The following NIPSNAP2 variants were observed in gnomAD, a reference collection of about 807,000 sequenced individuals.
NIPSNAP2 encodes protein NipSnap homolog 2.
Under a neutral mutation model 48.4 loss-of-function variants are expected in NIPSNAP2, and 42 were observed. The observed-to-expected ratio is 0.87, with a 90% CI of 0.68 to 1.12. The LOEUF (loss-of-function observed/expected upper bound fraction) is 1.12, where lower values mean the gene tolerates loss of function less well. NIPSNAP2 is among the 50% of genes most tolerant of loss of function. The probability of loss-of-function intolerance (pLI) is 0.00; values close to 1 mark genes in which losing one functional copy is unlikely to be tolerated. For synonymous variants in NIPSNAP2, 158 were observed against 126.6 expected, an observed-to-expected ratio of 1.25 and a Z score of -1.67; for missense variants, 314 against 347.3, an observed-to-expected ratio of 0.90 and a Z score of 0.76.
intron 7 of NIPSNAP2, 137 bp downstream of exon 7, chr7:55,985,015 AT>A: frequency 3.2e-6 from 2 of 634,194 alleles, no homozygotes; most frequent in Non-Finnish European, 5.4e-6. Flanking sequence ...TGATGTTTTT[AT>A]TATGAGATTT....
chr7:55,991,758 A>G, intron 7 of NIPSNAP2: 1 of 168,986 alleles, frequency 5.9e-6, no homozygotes, highest in Non-Finnish European at 1.2e-5. Context: ...CAAAAAAAAA[A>G]AAAAAAAATA....
chr7:55,996,082 G>C (rs919987870), intron 8 of NIPSNAP2, among the ~76,000 whole-genome samples: 8 of 152,198 alleles, frequency 5.3e-5, no homozygotes, highest in Non-Finnish European at 1.0e-4. Context: ...GAGGTCAGGA[G>C]TTAAGAGACC....
In NIPSNAP2 at chr7:55,990,625, C is replaced by T. The variant is rs1787423843; in HGVS notation, c.618-4269C>T. ...CTTTGGCAGCTTGCTATTTCTGTTT[C>T]CTAAGCTGGCATTTCATAACTATTT... On this transcript the variant is annotated intron_variant, in intron 7 of 9. Coordinates refer to ENST00000322090, the MANE Select transcript of NIPSNAP2 (RefSeq NM_001483.3). 2.0e-5 allele frequency among the ~76,000 whole-genome samples: 3 copies of T among 152,070 alleles called. No homozygotes were observed. The South Asian group carries it at 6.2e-4, about 32-fold the overall frequency.
In NIPSNAP2 at chr7:55,999,049, C is replaced by G. The variant is rs779496725; in HGVS notation, c.838C>G (p.Leu280Val). Residue 280 changes from leucine (L) to valine (V), a missense_variant, in exon 10 of 10, where the codon CTG becomes GTG. Coordinates refer to ENST00000322090, the MANE Select transcript of NIPSNAP2 (RefSeq NM_001483.3). ...AATGGAATCCAGAATCATGATCCCA[C>G]TGAAGACCTCGCCCCTCCAGTAAAG... The part of the protein sequence containing the change: ...QEMESRIMIP[L>V]KTSPLQ 5.0e-6 allele frequency: 8 copies of G among 1,613,882 alleles called. No individual in the cohort carries two copies. In the African/African-American group the frequency reaches 5.3e-5, roughly 11 times the overall value.
In NIPSNAP2 at chr7:55,983,785, C is replaced by T. The variant is rs760084984; in HGVS notation, c.502C>T (p.Leu168Phe). 7 of 1,613,948 alleles carry T rather than the reference C, an allele frequency of 4.3e-6. No individual in the cohort carries two copies. The East Asian group carries it at 1.1e-4, about 26-fold the overall frequency. Residue 168 changes from leucine to phenylalanine, a missense_variant, in exon 6 of 10, where the codon CTC (leucine) becomes TTC (phenylalanine). Around this residue, in one of 2 missense-constraint regions of NIPSNAP2, gnomAD observed 116 missense variants for 161.8 expected, o/e 0.72. Coordinates refer to ENST00000322090, the MANE Select transcript of NIPSNAP2 (RefSeq NM_001483.3). ...CATGCTTCTCTCCAGGAAGAATCAG[C>T]TCCTGTTGGAGTTCAGTTTCTGGAA... is the stretch of plus-strand genomic sequence containing the variant. ...SDMLLSRKNQ[L>F]LLEFSFWNEP... is the part of the protein sequence containing the mutation.
intron 1 of NIPSNAP2, among the ~76,000 whole-genome samples, chr7:55,970,815 AC>A (rs1361672523): frequency 6.6e-6 from 1 of 151,512 alleles, no homozygotes; most frequent in Non-Finnish European, 1.5e-5. Context: ...TGCCTTCTCC[AC>A]CTGTCTTGCT....
At chr7:55,978,017 C>A in intron 1 of NIPSNAP2, 109 bp from the exon 2 acceptor site, 1 of 1,245,698 alleles carries the variant, frequency 8.0e-7, no homozygotes, top group Non-Finnish European at 1.1e-6. Flanking sequence ...TCTTTGGTAG[C>A]CCAGGTTCTG....
At chr7:55,983,109 T>G (rs1482722297) in intron 5 of NIPSNAP2, among the ~76,000 whole-genome samples, 1 of 151,854 alleles carries the variant, frequency 6.6e-6, no homozygotes, top group Non-Finnish European at 1.5e-5. Flanking sequence ...GGCAGCAGAG[T>G]GAGACTCTGC....
intron 1 of NIPSNAP2, among the ~76,000 whole-genome samples, chr7:55,975,414 A>G (rs527697443): frequency 1.3e-5 from 2 of 152,128 alleles, no homozygotes; most frequent in African/African-American, 4.8e-5. Flanking sequence ...CAGAGGTAAG[A>G]TCACCAATTA....
At chr7:55,986,302 A>T (rs1296581483) in intron 7 of NIPSNAP2, among the ~76,000 whole-genome samples, 1 of 152,094 alleles carries the variant, frequency 6.6e-6, no homozygotes, top group Non-Finnish European at 1.5e-5. Flanking sequence ...TTAAAGGTGG[A>T]GGCTGCAGTG....
intron 1 of NIPSNAP2, chr7:55,964,982 G>C (rs1025380700): frequency 5.8e-6 from 1 of 171,396 alleles, no homozygotes; most frequent in African/African-American, 2.4e-5. Flanking sequence ...TCCCCGCGGC[G>C]CTGGCCCGGC....
chr7:55,990,769 A>T (rs1408561987), intron 7 of NIPSNAP2, among the ~76,000 whole-genome samples: 1 of 149,468 alleles, frequency 6.7e-6, no homozygotes, highest in African/African-American at 2.5e-5. Context: ...ACTTCAACTT[A>T]TATCTTTTCT....
chr7:55,973,640 ATT>A (rs113238994), intron 1 of NIPSNAP2, among the ~76,000 whole-genome samples: 8 of 137,162 alleles, frequency 5.8e-5, no homozygotes, highest in Admixed American at 7.3e-5. Context: ...ACACCCAGCT[ATT>A]TTTTTTTTTT....
chr7:55,991,227 A>C (rs1158525666), intron 7 of NIPSNAP2, among the ~76,000 whole-genome samples: 3 of 152,220 alleles, frequency 2.0e-5, no homozygotes, highest in African/African-American at 7.2e-5. Flanking sequence ...TCAAAGGCTA[A>C]ATAATGGAAG....
At position 55,999,863 on chromosome 7, in the gene NIPSNAP2, T is replaced by A. The variant is rs904554560; in HGVS notation, c.*791T>A. ...AACGATCATTTGTGACCTCAGACAC[T>A]CTCTGGCTAATATTTTAATAAGCTC... On this transcript the variant is annotated 3_prime_UTR_variant, in exon 10 of 10. Transcript: ENST00000322090. The A allele has an allele frequency of 3.3e-5, 5 of 152,596 alleles. No homozygotes were observed. Among genetic ancestry groups the A allele is most frequent in the Non-Finnish European group, 5.9e-5 (4 of 68,046 alleles). 9.5% of individuals were successfully genotyped at this position (152,596 alleles called of 1,614,324 possible).
chr7:55,990,314 C>T (rs1325937721), intron 7 of NIPSNAP2, among the ~76,000 whole-genome samples: 7 of 150,800 alleles, frequency 4.6e-5, no homozygotes, highest in African/African-American at 1.5e-4. Context: ...CTGCAAGCTC[C>T]GCCTCCCAGG....
intron 4 of NIPSNAP2, 61 bp from the exon 5 acceptor site, chr7:55,982,149 A>G: frequency 9.2e-7 from 1 of 1,086,278 alleles, no homozygotes; most frequent in South Asian, 1.3e-5. Context: ...TATCTAGAAC[A>G]TTTTCAAGTA....
intron 3 of NIPSNAP2, chr7:55,979,869 C>A (rs1167833150): frequency 1.3e-5 from 6 of 456,514 alleles, no homozygotes; most frequent in Admixed American, 7.1e-5. Context: ...TACTGCCTGC[C>A]TTACAATCTC....
intron 9 of NIPSNAP2, among the ~76,000 whole-genome samples, chr7:55,998,588 C>T (rs1218096220): frequency 6.7e-6 from 1 of 149,320 alleles, no homozygotes; most frequent in Non-Finnish European, 1.5e-5. Context: ...GCAACCTCCG[C>T]CTCCCGGTTT....
Sources: gnomAD v4.1 joint callset for allele counts (sites outside exome capture counted in the v4.1 genomes callset) on GRCh38, gnomAD v4.1.1 for gene constraint, gnomAD v4.1.1 regional missense constraint, MANE v1.5 for transcripts, NCBI Gene and HGNC (gene_info 2026-07-23, HGNC 2026-07-21) for gene names.